ZDHHC13: variants seen among roughly 807,000 people sequenced by gnomAD.
ZDHHC13 encodes the protein zDHHC palmitoyltransferase 13.
In ZDHHC13, 85 loss-of-function variants were observed where a neutral mutation model predicts 86.0. That is an observed-to-expected ratio of 0.99 (90% CI 0.83 to 1.18). The LOEUF (loss-of-function observed/expected upper bound fraction) is 1.18. ZDHHC13 is among the 50% of genes most tolerant of loss of function. The pLI is 0.00. For synonymous variants in ZDHHC13, 263 were observed against 246.4 expected, an observed-to-expected ratio of 1.07 and a Z score of -0.63; for missense variants, 711 against 730.2, an observed-to-expected ratio of 0.97 and a Z score of 0.30.
Position 19,117,655 on chromosome 11 carries a change from C to T in ZDHHC13, c.27+379C>T, listed in dbSNP as rs1046567532. 5 of 244,148 alleles carry T rather than the reference C, an allele frequency of 2.0e-5. No individual in the cohort carries two copies. Among genetic ancestry groups the T allele is most frequent in the Non-Finnish European group, 3.9e-5 (5 of 127,816 alleles). 15.1% of individuals were successfully genotyped at this position (244,148 alleles called of 1,614,324 possible). A position where few individuals can be genotyped will look rare whatever the true frequency, so the allele number is the denominator to read the frequency against. ...TCGGACCCGCCCGTCTTGACGTTGG[C>T]CCGGAGTCGGAGCGGTTCTGTTGAT... On this transcript the variant is annotated intron_variant, in intron 1 of 16. Coordinates refer to ENST00000446113, the MANE Select transcript of ZDHHC13 (RefSeq NM_019028.3). The surrounding 1 kb of genome is among the most constrained non-coding windows in gnomAD (Gnocchi z 4.2).
At position 19,167,427 on chromosome 11, in the gene ZDHHC13, G is replaced by A. The variant is rs7104518; in HGVS notation, c.1474+1042G>A. On this transcript the variant is annotated intron_variant, in intron 14 of 16. Coordinates refer to ENST00000446113, the MANE Select transcript of ZDHHC13 (RefSeq NM_019028.3). ...TAGTTTAAAATTTTTGTTAGTTTTC[G>A]AAAGGCAATTCTTTGTACACTTGCC... The A allele has an allele frequency of 3.9e-3, 593 of 152,016 alleles. 4 individuals carry two copies. Among genetic ancestry groups the A allele is most frequent in the African/African-American group, 0.014 (570 of 41,448 alleles). The allele number at this position is 152,016 out of a possible 1,614,324, so 9.4% of individuals were successfully genotyped here.
chr11:19,164,541 A>G (rs1377492776), intron 12 of ZDHHC13, 178 bp downstream of exon 12: 3 of 624,282 alleles, frequency 4.8e-6, no homozygotes, highest in Non-Finnish European at 8.3e-6. Context: ...AATGATGTTT[A>G]TAATCTCTTG....
At chr11:19,142,652 T>C (rs181157264) in intron 1 of ZDHHC13, among the ~76,000 whole-genome samples, 117 of 152,258 alleles carry the variant, frequency 7.7e-4, no homozygotes, top group African/African-American at 2.7e-3. Context: ...GAACAAAATA[T>C]GTAATTTGGA....
intron 1 of ZDHHC13, among the ~76,000 whole-genome samples, chr11:19,123,046 ACT>A (rs1237251646): frequency 6.6e-6 from 1 of 152,078 alleles, no homozygotes; most frequent in Admixed American, 6.5e-5. Context: ...TTATTATTTC[ACT>A]CTGTCTCTGA....
At chr11:19,146,055 A>G in intron 2 of ZDHHC13, 126 bp from the exon 3 acceptor site, 2 of 1,005,234 alleles carry the variant, frequency 2.0e-6, no homozygotes, top group Non-Finnish European at 2.8e-6. Flanking sequence ...GTCTTTGTTA[A>G]TTATTATATT....
At chr11:19,127,365 A>G (rs1331824721) in intron 1 of ZDHHC13, among the ~76,000 whole-genome samples, 2 of 152,204 alleles carry the variant, frequency 1.3e-5, no homozygotes, top group Admixed American at 6.5e-5. Context: ...TGTCAGATGC[A>G]TAGTTTGCAA....
chr11:19,117,394 T>G lies in ZDHHC13; in HGVS notation c.27+118T>G. The G allele has an allele frequency of 9.2e-7, 1 of 1,088,790 alleles. No individual in the cohort carries two copies. The highest frequency in any genetic ancestry group is 1.2e-6 in the Non-Finnish European group (1 of 805,814). The allele number at this position is 1,088,790 out of a possible 1,614,324, so 67.4% of individuals were successfully genotyped here. A position where few individuals can be genotyped will look rare whatever the true frequency, so the allele number is the denominator to read the frequency against. ...AGGGGGTTTCGGGAGCGGCGGGGCC[T>G]AGGTCTGGGAAGCGGGAGCCTGGAA... On this transcript the variant is annotated intron_variant, in intron 1 of 16. Transcript: ENST00000446113. This position sits in a 1 kb window ranked among gnomAD's most constrained non-coding sequence, Gnocchi z 4.2.
chr11:19,133,884 T>G (rs577935968), intron 1 of ZDHHC13, among the ~76,000 whole-genome samples: 18 of 141,370 alleles, frequency 1.3e-4, no homozygotes, highest in Non-Finnish European at 3.1e-5. Context: ...TGGAGGTTCA[T>G]TTTATATTTA....
At chr11:19,135,407 G>A (rs1024012629) in intron 1 of ZDHHC13, among the ~76,000 whole-genome samples, 1 of 152,252 alleles carries the variant, frequency 6.6e-6, no homozygotes, top group African/African-American at 2.4e-5. Flanking sequence ...TCCCGCACCT[G>A]GCTCGGAGGG....
At chr11:19,158,396 A>G (rs767509545) in intron 9 of ZDHHC13, among the ~76,000 whole-genome samples, 1 of 152,122 alleles carries the variant, frequency 6.6e-6, no homozygotes, top group East Asian at 1.9e-4. Flanking sequence ...TCTGAATACT[A>G]GTATCATTTT....
chr11:19,117,293 G>T lies in ZDHHC13; in HGVS notation c.27+17G>T, dbSNP rs796984900. On this transcript the variant is annotated intron_variant, in intron 1 of 16. Coordinates refer to ENST00000446113, the MANE Select transcript of ZDHHC13 (RefSeq NM_019028.3). This position sits in a 1 kb window ranked among gnomAD's most constrained non-coding sequence, Gnocchi z 4.2. ...GGCTCGCAGGTGAGTGCGGCCGGGC[G>T]GTGGCTGTCCTGGGGGCCGGGAGAG... 7 of 1,472,174 alleles carry T rather than the reference G, an allele frequency of 4.8e-6. No individual in the cohort carries two copies. In the Admixed American group the frequency reaches 1.4e-4, roughly 29 times the overall value. 91.2% of individuals were successfully genotyped at this position (1,472,174 alleles called of 1,614,324 possible).
chr11:19,175,801 TC>T lies in ZDHHC13; in HGVS notation c.1731-20del. On this transcript the variant is annotated intron_variant, in intron 16 of 16. Coordinates refer to ENST00000446113, the MANE Select transcript of ZDHHC13 (RefSeq NM_019028.3). Reference sequence around the variant, plus strand: ...ACAGGAAATATAGTAAGACATGTTCTCTTTTTTTTTTTCTTGGCAGTCTTGG... The same window carrying T: ...ACAGGAAATATAGTAAGACATGTTCTTTTTTTTTTTTCTTGGCAGTCTTGG... 6.2e-7 allele frequency: 1 copy of T among 1,603,146 alleles called. No individual in the cohort carries two copies. Among genetic ancestry groups the T allele is most frequent in the Non-Finnish European group, 8.5e-7 (1 of 1,175,964 alleles).
chr11:19,129,700 AGGATTTTTGTATCTGTGTTCATGAG>A (rs1848947786), intron 1 of ZDHHC13, among the ~76,000 whole-genome samples: 1 of 152,028 alleles, frequency 6.6e-6, no homozygotes, highest in African/African-American at 2.4e-5. Flanking sequence ...TATTTTGTTT[AGGATTTTTGTATCTGTGTTCATGAG>A]GGATACTGGG....
intron 13 of ZDHHC13, 131 bp downstream of exon 13, chr11:19,165,276 T>G: frequency 1.3e-6 from 1 of 790,722 alleles, no homozygotes; most frequent in Non-Finnish European, 2.0e-6. Flanking sequence ...AATGGGCCCA[T>G]GCATCGTTAT....
intron 1 of ZDHHC13, among the ~76,000 whole-genome samples, chr11:19,134,222 G>A (rs1042486627): frequency 6.6e-6 from 1 of 152,072 alleles, no homozygotes. Flanking sequence ...CAGGTCAGGT[G>A]TGGTGGCTTA....
At chr11:19,124,650 G>C (rs1364125930) in intron 1 of ZDHHC13, among the ~76,000 whole-genome samples, 1 of 151,796 alleles carries the variant, frequency 6.6e-6, no homozygotes, top group Non-Finnish European at 1.5e-5. Context: ...TCTTCCAATT[G>C]AATATAATTA....
intron 14 of ZDHHC13, chr11:19,166,596 G>A: frequency 2.7e-6 from 1 of 369,930 alleles, no homozygotes; most frequent in Non-Finnish European, 4.8e-6. Context: ...AAAAAAATGT[G>A]ATAAATTTGA....
intron 13 of ZDHHC13, among the ~76,000 whole-genome samples, 181 bp downstream of exon 13, chr11:19,165,326 T>C (rs1307922580): frequency 1.3e-5 from 2 of 152,230 alleles, no homozygotes; most frequent in African/African-American, 4.8e-5. Context: ...TGCATCATTC[T>C]GTTTGGTAGC....
Position 19,135,831 on chromosome 11 carries a change from C to A in ZDHHC13, c.28-7147C>A, listed in dbSNP as rs551682189. ...GGGGTAGACTGACACCTCACATGGCCGGGTACTCCAACAGACCTGCAGCTG... is the reference window on the plus strand; with the variant it reads ...GGGGTAGACTGACACCTCACATGGCAGGGTACTCCAACAGACCTGCAGCTG... On this transcript the variant is annotated intron_variant, in intron 1 of 16. Coordinates refer to ENST00000446113, the MANE Select transcript of ZDHHC13 (RefSeq NM_019028.3). Among the ~76,000 whole-genome samples the A allele has an allele frequency of 2.6e-4, 39 of 152,236 alleles. No homozygotes were observed. In the East Asian group the frequency reaches 7.4e-3, roughly 29 times the overall value.
Sources: gnomAD v4.1 joint callset for allele counts (sites outside exome capture counted in the v4.1 genomes callset) on GRCh38, gnomAD v4.1.1 for gene constraint, Gnocchi (gnomAD v3.1) non-coding constraint, MANE v1.5 for transcripts, NCBI Gene and HGNC (gene_info 2026-07-23, HGNC 2026-07-21) for gene names.